GALNT13: variants seen among roughly 807,000 people sequenced by gnomAD.
GALNT13 encodes UDP-GalNAc:polypeptide N-acetylgalactosaminyltransferase 13.
In GALNT13, 28 loss-of-function variants were observed where a neutral mutation model predicts 64.2. The ratio of observed to expected loss-of-function variants is 0.44; its 90% CI spans 0.32 to 0.60. The LOEUF (loss-of-function observed/expected upper bound fraction) is 0.60, where lower values mean the gene tolerates loss of function less well. GALNT13 is among the 20% of genes least tolerant of loss of function. The pLI, the probability that GALNT13 is intolerant of heterozygous loss-of-function variation, is 0.05. For synonymous variants in GALNT13, 214 were observed against 224.6 expected (o/e 0.95, Z 0.42); for missense variants, 577 against 669.8 (o/e 0.86, Z 1.53).
At chr2:154,133,537 TATA>T (rs1682756860) in intron 3 of GALNT13, among the ~76,000 whole-genome samples, 7 of 7,214 alleles carry the variant, frequency 9.7e-4, no homozygotes, top group African/African-American at 2.2e-3. Flanking sequence ...GACCATTTTA[TATA>T]TATATATATA....
chr2:154,298,574 ATTG>A (rs1281526250), intron 8 of GALNT13, among the ~76,000 whole-genome samples: 42 of 59,856 alleles, frequency 7.0e-4, no homozygotes, highest in Non-Finnish European at 9.6e-4. Flanking sequence ...TTATATATAA[ATTG>A]TATATATAAT....
At chr2:154,034,755 G>GTACACATTGTTT (rs1698555221) in intron 3 of GALNT13, among the ~76,000 whole-genome samples, 1 of 135,236 alleles carries the variant, frequency 7.4e-6, no homozygotes, top group African/African-American at 3.4e-5. Flanking sequence ...CATCTGTGTT[G>GTACACATTGTTT]ATACAAAAGA....
At chr2:153,434,973 T>G in the GALNT13 span, among the ~76,000 whole-genome samples, 3 of 152,232 alleles carry the variant, frequency 2.0e-5, no homozygotes, top group African/African-American at 7.2e-5. Context: ...GTCTAACCTG[T>G]AAGTCTTTAA....
the GALNT13 span, among the ~76,000 whole-genome samples, chr2:153,752,989 C>T: frequency 6.6e-6 from 1 of 152,102 alleles, no homozygotes; most frequent in African/African-American, 2.4e-5. Flanking sequence ...TGTCTTCAAG[C>T]TCATTAATTC....
intron 3 of GALNT13, among the ~76,000 whole-genome samples, chr2:154,029,566 CAGA>C (rs768400833): frequency 1.3e-5 from 2 of 152,076 alleles, no homozygotes; most frequent in South Asian, 2.1e-4. Context: ...GCAGATCTAG[CAGA>C]AGGACAGTCA....
the GALNT13 span, among the ~76,000 whole-genome samples, chr2:153,794,765 C>T: frequency 4.6e-5 from 7 of 152,236 alleles, no homozygotes; most frequent in East Asian, 3.9e-4. Flanking sequence ...GTGATCCACC[C>T]GCCTTGGCCT....
the GALNT13 span, among the ~76,000 whole-genome samples, chr2:153,703,914 T>C: frequency 6.6e-6 from 1 of 152,176 alleles, no homozygotes; most frequent in Non-Finnish European, 1.5e-5. Flanking sequence ...AATAAAAATA[T>C]AAAATTTGAT....
chr2:153,745,833 C>T, the GALNT13 span, among the ~76,000 whole-genome samples: 2 of 152,178 alleles, frequency 1.3e-5, no homozygotes, highest in East Asian at 3.9e-4. Context: ...AGCGATTGTC[C>T]CACCTCAGCC....
At chr2:153,802,062 G>A in the GALNT13 span, among the ~76,000 whole-genome samples, 1 of 152,096 alleles carries the variant, frequency 6.6e-6, no homozygotes, top group South Asian at 2.1e-4. Context: ...CATTATAGTC[G>A]TGTATCTGAG....
chr2:153,377,987 T>G, the GALNT13 span, among the ~76,000 whole-genome samples: 1 of 152,192 alleles, frequency 6.6e-6, no homozygotes, highest in Non-Finnish European at 1.5e-5. Context: ...TTAATATAAC[T>G]TTTGCAAGTT....
chr2:154,051,337 G>A lies in GALNT13; in HGVS notation c.143-89000G>A, dbSNP rs1295115255. ...CTCGCTCTGTCGCCCAGGCCGGACT[G>A]CGGACTGCAGTGGCGCAATCTCGGC... On this transcript the variant is annotated intron_variant, in intron 3 of 12. Transcript: ENST00000392825. Among the ~76,000 whole-genome samples the A allele has an allele frequency of 2.3e-5, 3 of 132,226 alleles. No individual in the cohort carries two copies. In the Admixed American group the frequency reaches 2.6e-4, roughly 12 times the overall value. The allele number at this position is 132,226 out of a possible 152,430, so 86.7% of individuals were successfully genotyped here. A position where few individuals can be genotyped will look rare whatever the true frequency, so the allele number is the denominator to read the frequency against.
At chr2:154,075,714 A>T (rs1700953555) in intron 3 of GALNT13, among the ~76,000 whole-genome samples, 1 of 151,780 alleles carries the variant, frequency 6.6e-6, no homozygotes, top group Admixed American at 6.6e-5. Context: ...TGTTAATATT[A>T]ATCTAGTCTA....
At chr2:154,230,586 G>A (rs976447436) in intron 4 of GALNT13, among the ~76,000 whole-genome samples, 1 of 151,828 alleles carries the variant, frequency 6.6e-6, no homozygotes, top group African/African-American at 2.4e-5. Context: ...AGATAAACAG[G>A]GTGTTTTAAA....
the GALNT13 span, among the ~76,000 whole-genome samples, chr2:153,497,789 C>A: frequency 1.5e-4 from 23 of 152,132 alleles, no homozygotes; most frequent in Non-Finnish European, 1.5e-5. Context: ...CCGCCCGCCT[C>A]GGCCTCCCAA....
intron 11 of GALNT13, among the ~76,000 whole-genome samples, chr2:154,414,612 C>A (rs1482190783): frequency 2.0e-5 from 3 of 151,770 alleles, no homozygotes; most frequent in Non-Finnish European, 4.4e-5. Context: ...ATTTTAAAAA[C>A]TGGCATTTAA....
the GALNT13 span, among the ~76,000 whole-genome samples, chr2:153,198,578 C>T: frequency 1.3e-5 from 2 of 152,214 alleles, no homozygotes; most frequent in African/African-American, 4.8e-5. Context: ...AGTTGAGTGT[C>T]CTGTGCCTCT....
At chr2:153,255,159 TG>T in the GALNT13 span, among the ~76,000 whole-genome samples, 1 of 151,166 alleles carries the variant, frequency 6.6e-6, no homozygotes, top group Non-Finnish European at 1.5e-5. Context: ...GCTCCTGTAT[TG>T]GGTGCATATA....
chr2:153,214,141 T>C, the GALNT13 span, among the ~76,000 whole-genome samples: 3 of 152,286 alleles, frequency 2.0e-5, no homozygotes, highest in South Asian at 6.2e-4. Context: ...TTTAAAATAA[T>C]GGTTTATCTA....
the GALNT13 span, among the ~76,000 whole-genome samples, chr2:153,444,365 G>T: frequency 6.6e-6 from 1 of 152,184 alleles, no homozygotes; most frequent in East Asian, 1.9e-4. Context: ...GTGAGTGAAT[G>T]AATGAATAAA....
Sources: allele counts gnomAD v4.1 joint callset (sites outside exome capture counted in the v4.1 genomes callset), GRCh38; gene constraint gnomAD v4.1.1; transcripts MANE v1.5; gene names NCBI Gene and HGNC (gene_info 2026-07-23, HGNC 2026-07-21).